OTUD6B: variants seen among roughly 807,000 people sequenced by gnomAD.
OTUD6B encodes OTU deubiquitinase 6B.
A neutral mutation model predicts 36.9 loss-of-function variants in OTUD6B; 41 were observed. That is an observed-to-expected ratio of 1.11 (90% confidence interval 0.87 to 1.44). The LOEUF (loss-of-function observed/expected upper bound fraction) is 1.44, where lower values mean the gene tolerates loss of function less well. Ranked by LOEUF, OTUD6B falls within the 40% of genes most tolerant of loss-of-function variation. OTUD6B has a pLI of 0.00. For missense variants in OTUD6B, 356 were observed against 344.8 expected (o/e 1.03, Z -0.26); for synonymous variants, 114 against 114.2 (o/e 1.00, Z 0.01).
intron 1 of OTUD6B, 65 bp from the exon 2 acceptor site, chr8:91,071,073 G>T: frequency 6.3e-7 from 1 of 1,577,928 alleles, no homozygotes; most frequent in Non-Finnish European, 8.6e-7. Flanking sequence ...TCCCCTTATT[G>T]GTTCCTGTTT....
At chr8:91,083,033 A>G (rs962113653) in intron 5 of OTUD6B, among the ~76,000 whole-genome samples, 1 of 151,970 alleles carries the variant, frequency 6.6e-6, no homozygotes, top group Admixed American at 6.6e-5. Flanking sequence ...GTCTTTAAAA[A>G]TGTTAGCATT....
chr8:91,084,701 TTA>T (rs113656796), intron 6 of OTUD6B, 81 bp from the exon 7 acceptor site: 2,619 of 1,182,236 alleles, frequency 2.2e-3, no homozygotes, highest in Middle Eastern at 3.2e-3. Context: ...AATCATTGGT[TTA>T]TATATATATA....
intron 1 of OTUD6B, 149 bp downstream of exon 1, chr8:91,070,615 C>T: frequency 2.7e-6 from 2 of 729,094 alleles, no homozygotes; most frequent in East Asian, 2.8e-5. Flanking sequence ...TCTTCACCTA[C>T]CCCGGCGGCC....
chr8:91,081,181 T>C (rs1009299410), intron 5 of OTUD6B, among the ~76,000 whole-genome samples: 3 of 149,574 alleles, frequency 2.0e-5, no homozygotes, highest in Non-Finnish European at 4.5e-5. Context: ...GGCCAAATCC[T>C]ACCACAACAT....
intron 3 of OTUD6B, among the ~76,000 whole-genome samples, chr8:91,077,720 A>G (rs188563717): frequency 2.6e-5 from 4 of 152,110 alleles, no homozygotes; most frequent in African/African-American, 7.2e-5. Context: ...TTTCAAGAGT[A>G]TACCATATTT....
At position 91,085,984 on chromosome 8, in the gene OTUD6B, T is replaced by C. The variant is rs1171224953; in HGVS notation, c.*1116T>C. The stretch of plus-strand genomic sequence containing the variant: ...ATATATGAATGAAGTTGAAAGCTAC[T>C]GTTTGGAAGCTAAGACTTGTATAGA... On this transcript the variant is annotated 3_prime_UTR_variant, in exon 7 of 7. Coordinates refer to ENST00000404789, the MANE Select transcript of OTUD6B (RefSeq NM_016023.5). 1.3e-5 allele frequency: 2 copies of C among 152,146 alleles called. No homozygotes were observed. The highest frequency in any genetic ancestry group is 4.8e-5 in the African/African-American group (2 of 41,448). 9.4% of individuals were successfully genotyped at this position (152,146 alleles called of 1,614,324 possible).
intron 5 of OTUD6B, among the ~76,000 whole-genome samples, chr8:91,082,083 T>G (rs900579895): frequency 2.0e-5 from 3 of 152,144 alleles, no homozygotes; most frequent in Non-Finnish European, 4.4e-5. Flanking sequence ...TTTAAGTTAT[T>G]AAAGAAAATC....
Position 91,076,695 on chromosome 8 carries a change from A to T in OTUD6B, c.316-1661A>T, listed in dbSNP as rs1228917660. ...TTTCTGCGTGCTGTTTCCTCAGAAGAGGAAAATGAGGGGTTTTGGATTAGA... is the reference window on the plus strand; with the variant it reads ...TTTCTGCGTGCTGTTTCCTCAGAAGTGGAAAATGAGGGGTTTTGGATTAGA... On this transcript the variant is annotated intron_variant, in intron 3 of 6. Coordinates refer to ENST00000404789, the MANE Select transcript of OTUD6B (RefSeq NM_016023.5). 2.3e-6 allele frequency: 3 copies of T among 1,277,764 alleles called. No individual in the cohort carries two copies. In the East Asian group the frequency reaches 7.6e-5, roughly 32 times the overall value. 79.2% of individuals were successfully genotyped at this position (1,277,764 alleles called of 1,614,324 possible).
intron 1 of OTUD6B, among the ~76,000 whole-genome samples, chr8:91,070,682 A>G (rs1451405035): frequency 1.3e-5 from 2 of 151,122 alleles, no homozygotes; most frequent in Non-Finnish European, 2.9e-5. Context: ...CGTGCCCCCT[A>G]CCCCGCGCCG....
chr8:91,071,046 C>T (rs1812685316), intron 1 of OTUD6B, 92 bp from the exon 2 acceptor site: 1 of 1,535,350 alleles, frequency 6.5e-7, no homozygotes, highest in African/African-American at 1.4e-5. Context: ...TTTTTCTGTA[C>T]CCTTCGCCCG....
At chr8:91,073,685 A>G (rs1812746826) in intron 2 of OTUD6B, 146 bp from the exon 3 acceptor site, 1 of 1,158,724 alleles carries the variant, frequency 8.6e-7, no homozygotes, top group Non-Finnish European at 1.1e-6. Context: ...ATTCTTCCAT[A>G]AAAATAGAAA....
At chr8:91,076,706 G>T in intron 3 of OTUD6B, 1 of 1,218,544 alleles carries the variant, frequency 8.2e-7, no homozygotes, top group South Asian at 1.3e-5. Context: ...GGAAAATGAG[G>T]GGTTTTGGAT....
chr8:91,085,673 T>C lies in OTUD6B; in HGVS notation c.*805T>C, dbSNP rs1034081350. 5 of 152,084 alleles carry C rather than the reference T, an allele frequency of 3.3e-5. No homozygotes were observed. Among genetic ancestry groups the C allele is most frequent in the Admixed American group, 6.6e-5 (1 of 15,242 alleles). 9.4% of individuals were successfully genotyped at this position (152,084 alleles called of 1,614,324 possible). The stretch of plus-strand genomic sequence containing the variant: ...GTTAGTACCATCATCTCTTGAGTCT[T>C]TCATAACTACACATTTTTATATTTC... On this transcript the variant is annotated 3_prime_UTR_variant, in exon 7 of 7. Transcript: ENST00000404789.
In OTUD6B at chr8:91,086,798, TAAA is replaced by T. The variant is rs1813025000; in HGVS notation, c.*1934_*1936del. 1 of 152,042 alleles carries T rather than the reference TAAA, an allele frequency of 6.6e-6. No homozygotes were observed. Among genetic ancestry groups the T allele is most frequent in the Admixed American group, 6.6e-5 (1 of 15,254 alleles). The allele number at this position is 152,042 out of a possible 1,614,324, so 9.4% of individuals were successfully genotyped here. A position where few individuals can be genotyped will look rare whatever the true frequency, so the allele number is the denominator to read the frequency against. On this transcript the variant is annotated 3_prime_UTR_variant, in exon 7 of 7. Coordinates refer to ENST00000404789, the MANE Select transcript of OTUD6B (RefSeq NM_016023.5). ...GATAAATATCATTTTAGCTATAACC[TAAA>T]AAAGTGTTTAAATAAAATGACAGAT...
At chr8:91,074,784 T>C (rs1812771451) in intron 3 of OTUD6B, among the ~76,000 whole-genome samples, 1 of 152,226 alleles carries the variant, frequency 6.6e-6, no homozygotes, top group Middle Eastern at 3.4e-3. Flanking sequence ...TATGACATAG[T>C]ATGTAATTTA....
At position 91,076,355 on chromosome 8, in the gene OTUD6B, CTA is replaced by C. The variant is rs1812802910; in HGVS notation, c.316-1995_316-1994del. 5.0e-6 allele frequency: 3 copies of C among 594,446 alleles called. No individual in the cohort carries two copies. In the South Asian group the frequency reaches 2.3e-4, roughly 45 times the overall value. 36.8% of individuals were successfully genotyped at this position (594,446 alleles called of 1,614,324 possible). A position where few individuals can be genotyped will look rare whatever the true frequency, so the allele number is the denominator to read the frequency against. ...CAAAGTGCCTAGTGCTCTTGGGAAA[CTA>C]TATATTGCTGGAAAAAGAATTCAGT... On this transcript the variant is annotated intron_variant, in intron 3 of 6. Transcript: ENST00000404789.
intron 1 of OTUD6B, 139 bp from the exon 2 acceptor site, chr8:91,070,999 C>A: frequency 5.0e-6 from 7 of 1,392,224 alleles, no homozygotes; most frequent in Non-Finnish European, 6.5e-6. Context: ...CTCTCTGTAG[C>A]TGCCTGTTAC....
intron 2 of OTUD6B, 133 bp from the exon 3 acceptor site, chr8:91,073,698 G>T: frequency 8.2e-7 from 1 of 1,221,430 alleles, no homozygotes; most frequent in African/African-American, 1.6e-5. Flanking sequence ...AATAGAAACA[G>T]GAGACAAAAC....
chr8:91,080,529 GATTCTGGAGGATA>G (rs1323294339), intron 4 of OTUD6B, 127 bp from the exon 5 acceptor site: 2 of 1,429,092 alleles, frequency 1.4e-6, no homozygotes, highest in Admixed American at 6.2e-5. Flanking sequence ...AGTTAGATTA[GATTCTGGAGGATA>G]ATGGTAGAGA....
Sources: gnomAD v4.1 joint callset for allele counts (sites outside exome capture counted in the v4.1 genomes callset) on GRCh38, gnomAD v4.1.1 for gene constraint, MANE v1.5 for transcripts, NCBI Gene and HGNC (gene_info 2026-07-23, HGNC 2026-07-21) for gene names.